The following HIP1 variants were observed in gnomAD, a reference collection of about 807,000 sequenced individuals.
HIP1 encodes the protein huntingtin-interacting protein 1.
Under a neutral mutation model 147.6 loss-of-function variants are expected in HIP1, and 65 were observed. That is an observed-to-expected ratio of 0.44 (90% confidence interval 0.36 to 0.54). HIP1 has a LOEUF of 0.54. Among genes scored for constraint, HIP1 ranks in the 20% least tolerant of loss-of-function variants. The pLI is 0.00. For synonymous variants in HIP1, 479 were observed against 504.0 expected (o/e 0.95, Z 0.67); for missense variants, 1,061 against 1,299.6 (o/e 0.82, Z 2.82).
chr7:75,571,412 G>A (rs921877210), intron 8 of HIP1, among the ~76,000 whole-genome samples: 4 of 152,056 alleles, frequency 2.6e-5, no homozygotes, highest in African/African-American at 4.8e-5. Context: ...CCTACTTGCC[G>A]CAAAGCCCTT....
At chr7:75,598,078 C>A (rs1796818410) in intron 2 of HIP1, among the ~76,000 whole-genome samples, 2 of 152,282 alleles carry the variant, frequency 1.3e-5, no homozygotes, top group South Asian at 4.1e-4. Flanking sequence ...AGGTAGAGAG[C>A]CCCTGCCTCA....
At chr7:75,549,962 C>G (rs1373251985) in intron 22 of HIP1, among the ~76,000 whole-genome samples, 2 of 151,902 alleles carry the variant, frequency 1.3e-5, no homozygotes, top group Admixed American at 6.6e-5. Flanking sequence ...ATTACTATAC[C>G]TGGCCTACAA....
chr7:75,562,800 G>A, intron 11 of HIP1, 135 bp downstream of exon 11: 3 of 825,192 alleles, frequency 3.6e-6, no homozygotes, highest in Non-Finnish European at 5.7e-6. Context: ...GCTCAGCCTA[G>A]GTTGGTGCTA....
intron 1 of HIP1, among the ~76,000 whole-genome samples, chr7:75,717,503 GTTCAT>G (rs1414405731): frequency 6.6e-6 from 1 of 151,884 alleles, no homozygotes; most frequent in Non-Finnish European, 1.5e-5. Flanking sequence ...ATAATGGCAG[GTTCAT>G]AACAATGGCT....
intron 1 of HIP1, among the ~76,000 whole-genome samples, chr7:75,678,672 G>A (rs1055572829): frequency 1.3e-5 from 2 of 152,096 alleles, no homozygotes; most frequent in African/African-American, 2.4e-5. Flanking sequence ...CTGGTACAGG[G>A]CACCAGGCAC....
intron 16 of HIP1, 26 bp downstream of exon 16, chr7:75,557,628 T>C: frequency 6.5e-7 from 1 of 1,531,734 alleles, no homozygotes; most frequent in Middle Eastern, 1.7e-4. Flanking sequence ...CTCCCTCATT[T>C]CCCGAGTGCT....
At chr7:75,666,488 A>C (rs1400852000) in intron 1 of HIP1, among the ~76,000 whole-genome samples, 1 of 152,214 alleles carries the variant, frequency 6.6e-6, no homozygotes, top group Non-Finnish European at 1.5e-5. Flanking sequence ...ATATATTTAA[A>C]AAATAGATAC....
Position 75,542,926 on chromosome 7 carries a change from A to G in HIP1, c.2815T>C (p.Ser939Pro), listed in dbSNP as rs1794391758. Reference protein sequence around the residue: ...SPNLAQLQQASRGVNQATAGV... With the variant: ...SPNLAQLQQAPRGVNQATAGV... ...GCAGTGGCCTGGTTCACTCCCCGAG[A>G]GGCCTGCTGCAGCTGGGCTAGGTTG... Residue 939 changes from serine to proline, a missense_variant, in exon 28 of 31, where the codon TCT becomes CCT. By Grantham distance (74) the Ser-to-Pro change is moderately conservative. Transcript: ENST00000336926. The G allele has an allele frequency of 1.2e-6, 2 of 1,614,052 alleles. No individual in the cohort carries two copies. Among genetic ancestry groups the G allele is most frequent in the Non-Finnish European group, 1.7e-6 (2 of 1,179,972 alleles).
chr7:75,664,455 C>T (rs1584933051), intron 1 of HIP1, among the ~76,000 whole-genome samples: 1 of 94,318 alleles, frequency 1.1e-5, no homozygotes, highest in African/African-American at 5.2e-5. Flanking sequence ...TATACACATA[C>T]ATATGTGTGT....
rs188643081 is a variant in HIP1, at chr7:75,701,185, G to A, written c.120+37616C>T. 9.2e-5 allele frequency among the ~76,000 whole-genome samples: 14 copies of A among 152,244 alleles called. No homozygotes were observed. The East Asian group carries it at 1.9e-3, about 21-fold the overall frequency. On this transcript the variant is annotated intron_variant, in intron 1 of 30. Coordinates refer to ENST00000336926, the MANE Select transcript of HIP1 (RefSeq NM_005338.7). ...GAGTTGGGCAGATCACTTGAGGTCA[G>A]GAGTTCCAGACCAGCCTGGCCAACA...
At chr7:75,602,525 A>G (rs1189873754) in intron 1 of HIP1, among the ~76,000 whole-genome samples, 5 of 94,318 alleles carry the variant, frequency 5.3e-5, no homozygotes, top group African/African-American at 2.2e-4. Context: ...TTTTTTTGAG[A>G]CGGAGTCTCG....
At position 75,566,621 on chromosome 7, in the gene HIP1, C is replaced by T. The variant is rs114459611; in HGVS notation, c.803+1578G>A. ...TGTGTCTTATGCAGAGGTGCTTCCG[C>T]CCTTTCCCTGTTTTACTTGTCCTTA... On this transcript the variant is annotated intron_variant, in intron 9 of 30. Coordinates refer to ENST00000336926, the MANE Select transcript of HIP1 (RefSeq NM_005338.7). Among the ~76,000 whole-genome samples the T allele has an allele frequency of 1.8e-3, 280 of 151,512 alleles. 18 individuals are homozygous for T. The highest frequency in any genetic ancestry group is 6.3e-3 in the African/African-American group (256 of 40,828).
chr7:75,690,357 C>T (rs553684477), intron 1 of HIP1, among the ~76,000 whole-genome samples: 7 of 152,068 alleles, frequency 4.6e-5, no homozygotes, highest in Admixed American at 3.3e-4. Context: ...AATAAGCACA[C>T]GAAAAGACGC....
At chr7:75,681,635 T>C (rs1800074779) in intron 1 of HIP1, among the ~76,000 whole-genome samples, 1 of 151,606 alleles carries the variant, frequency 6.6e-6, no homozygotes, top group Non-Finnish European at 1.5e-5. Flanking sequence ...GCCTCCCGAG[T>C]AGCTGGGACT....
At chr7:75,656,223 C>T (rs1799135744) in intron 1 of HIP1, among the ~76,000 whole-genome samples, 1 of 151,900 alleles carries the variant, frequency 6.6e-6, no homozygotes, top group Admixed American at 6.6e-5. Context: ...CACCAAAACA[C>T]ATGGTAGGCA....
intron 1 of HIP1, among the ~76,000 whole-genome samples, chr7:75,657,089 T>A (rs1282242410): frequency 1.3e-5 from 2 of 152,190 alleles, no homozygotes; most frequent in African/African-American, 4.8e-5. Context: ...AATAAATCGT[T>A]CTACCGAAAA....
At chr7:75,730,118 G>A (rs1027473750) in intron 1 of HIP1, among the ~76,000 whole-genome samples, 5 of 152,094 alleles carry the variant, frequency 3.3e-5, no homozygotes, top group African/African-American at 1.2e-4. Flanking sequence ...GGAGGGAGAT[G>A]TGGGGAGTCA....
chr7:75,685,062 G>A (rs1800212010), intron 1 of HIP1, among the ~76,000 whole-genome samples: 1 of 152,054 alleles, frequency 6.6e-6, no homozygotes, highest in Non-Finnish European at 1.5e-5. Flanking sequence ...CTGCACTCCA[G>A]CCTGGGTGAC....
intron 1 of HIP1, among the ~76,000 whole-genome samples, chr7:75,690,005 C>G: frequency 6.6e-6 from 1 of 152,156 alleles, no homozygotes; most frequent in Middle Eastern, 3.2e-3. Context: ...CTTTCTTGCT[C>G]ATGCCTGTAA....
Sources: allele counts gnomAD v4.1 joint callset (sites outside exome capture counted in the v4.1 genomes callset), GRCh38; gene constraint gnomAD v4.1.1; transcripts MANE v1.5; gene names NCBI Gene and HGNC (gene_info 2026-07-23, HGNC 2026-07-21).